Variants in KCNIP4 observed in about 807,000 individuals in gnomAD.
KCNIP4 encodes Kv channel-interacting protein 4.
A neutral mutation model predicts 34.0 loss-of-function variants in KCNIP4; 12 were observed. The ratio of observed to expected loss-of-function variants is 0.35; its 90% CI spans 0.23 to 0.57. The LOEUF is 0.57. Among genes scored for constraint, KCNIP4 ranks in the 20% least tolerant of loss-of-function variants. The pLI, the probability that KCNIP4 is intolerant of heterozygous loss-of-function variation, is 0.83. For missense variants in KCNIP4, 238 were observed against 311.7 expected, an observed-to-expected ratio of 0.76 and a Z score of 1.78; for synonymous variants, 124 against 102.2, an observed-to-expected ratio of 1.21 and a Z score of -1.29.
intron 1 of KCNIP4, among the ~76,000 whole-genome samples, chr4:21,505,272 GAAAA>G: frequency 6.9e-6 from 1 of 145,144 alleles, no homozygotes; most frequent in South Asian, 2.2e-4. Flanking sequence ...AGTACTACAG[GAAAA>G]AAAAAAAAAG....
rs368310978 is a variant in KCNIP4 at position 20,881,063 on chromosome 4, T to C, written c.163+1545A>G. On this transcript the variant is annotated intron_variant, in intron 2 of 8. Coordinates refer to ENST00000382152, the MANE Select transcript of KCNIP4 (RefSeq NM_025221.6). ...AAGAGCTTTCTTTGTTTTGTTTTGT[T>C]TTGGTTTGGTTTTTAATCTGTTTTA... Among the ~76,000 whole-genome samples the C allele has an allele frequency of 5.9e-5, 9 of 152,314 alleles. 1 individual carries two copies. In the South Asian group the frequency reaches 1.5e-3, roughly 25 times the overall value.
At chr4:21,505,258 T>C (rs192271108) in intron 1 of KCNIP4, among the ~76,000 whole-genome samples, 1 of 140,594 alleles carries the variant, frequency 7.1e-6, no homozygotes, top group East Asian at 2.2e-4. Flanking sequence ...TCACATAAAA[T>C]AGCAGTACTA....
intron 3 of KCNIP4, among the ~76,000 whole-genome samples, chr4:20,847,872 T>C (rs1056476892): frequency 9.9e-5 from 15 of 152,180 alleles, no homozygotes; most frequent in African/African-American, 2.9e-4. Context: ...TCATTAAAAA[T>C]GAATATCCCA....
chr4:21,724,828 C>G (rs1488696759), intron 1 of KCNIP4, among the ~76,000 whole-genome samples: 2 of 152,032 alleles, frequency 1.3e-5, no homozygotes, highest in Non-Finnish European at 2.9e-5. Context: ...GCAGGGCATG[C>G]TTAAGAGACC....
At chr4:21,756,552 CAAAAA>C (rs71191600) in intron 1 of KCNIP4, among the ~76,000 whole-genome samples, 5 of 124,938 alleles carry the variant, frequency 4.0e-5, no homozygotes, top group Non-Finnish European at 5.3e-5. Flanking sequence ...GACTCTGTCT[CAAAAA>C]AAAAAAAAAA....
intron 1 of KCNIP4, among the ~76,000 whole-genome samples, chr4:21,864,208 G>A (rs1477195905): frequency 6.6e-6 from 1 of 152,162 alleles, no homozygotes; most frequent in Non-Finnish European, 1.5e-5. Context: ...CATTTTTGCT[G>A]CGTCTTAGTT....
chr4:20,747,560 C>G (rs968129417), intron 5 of KCNIP4, among the ~76,000 whole-genome samples: 3 of 152,166 alleles, frequency 2.0e-5, no homozygotes, highest in Non-Finnish European at 2.9e-5. Flanking sequence ...CATCTCCTCT[C>G]CCTCCACTAA....
chr4:21,461,637 T>C (rs995542513), intron 1 of KCNIP4, among the ~76,000 whole-genome samples: 2 of 152,020 alleles, frequency 1.3e-5, no homozygotes, highest in East Asian at 3.9e-4. Flanking sequence ...CTAGACTTTT[T>C]CCTAACATTC....
At chr4:21,569,569 G>A (rs1740204368) in intron 1 of KCNIP4, among the ~76,000 whole-genome samples, 1 of 151,970 alleles carries the variant, frequency 6.6e-6, no homozygotes, top group Non-Finnish European at 1.5e-5. Flanking sequence ...ACTATGAGAG[G>A]ATAAAAGAGA....
rs151284558 is a variant in KCNIP4, at chr4:21,308,538, A to G, written c.62-425829T>C. Among the ~76,000 whole-genome samples the G allele has an allele frequency of 1.7e-4, 26 of 152,322 alleles. No homozygotes were observed. In the East Asian group the frequency reaches 4.6e-3, roughly 27 times the overall value. On this transcript the variant is annotated intron_variant, in intron 1 of 8. Transcript: ENST00000382152. ...GGCTGATAGCTGCTTGCTGATGGTC[A>G]TAACATTTTCCCATGTGTCTCATGT...
At chr4:21,309,368 T>G (rs935015362) in intron 1 of KCNIP4, among the ~76,000 whole-genome samples, 1 of 150,690 alleles carries the variant, frequency 6.6e-6, no homozygotes, top group African/African-American at 2.5e-5. Context: ...TAAGCCAGTA[T>G]GAGTAATAAA....
At chr4:21,468,806 G>A (rs904907542) in intron 1 of KCNIP4, among the ~76,000 whole-genome samples, 6 of 152,092 alleles carry the variant, frequency 3.9e-5, no homozygotes, top group Non-Finnish European at 5.9e-5. Context: ...ACCCTGTTTC[G>A]CTTTTTTGCT....
At chr4:20,735,113 A>T (rs1259057568) in intron 5 of KCNIP4, among the ~76,000 whole-genome samples, 1 of 152,190 alleles carries the variant, frequency 6.6e-6, no homozygotes, top group Non-Finnish European at 1.5e-5. Context: ...CACTTCAATG[A>T]AAAACCGTTT....
chr4:20,763,216 T>C (rs943499853), intron 3 of KCNIP4, among the ~76,000 whole-genome samples: 1 of 152,216 alleles, frequency 6.6e-6, no homozygotes, highest in Non-Finnish European at 1.5e-5. Context: ...AGCATTTACT[T>C]TGAATGCCAT....
chr4:20,767,864 G>A (rs535108775), intron 3 of KCNIP4, among the ~76,000 whole-genome samples: 35 of 152,156 alleles, frequency 2.3e-4, no homozygotes, highest in Admixed American at 4.6e-4. Flanking sequence ...TAGTTATTTG[G>A]GGATCCTTTC....
chr4:21,825,204 T>C (rs1233313662), intron 1 of KCNIP4, among the ~76,000 whole-genome samples: 1 of 151,856 alleles, frequency 6.6e-6, no homozygotes, highest in Admixed American at 6.6e-5. Flanking sequence ...CAAGTGCCAC[T>C]GAGAGATGTG....
chr4:21,504,410 G>T (rs1315441228), intron 1 of KCNIP4, among the ~76,000 whole-genome samples: 2 of 144,074 alleles, frequency 1.4e-5, no homozygotes, highest in African/African-American at 2.6e-5. Flanking sequence ...AGAGGTTGCA[G>T]TGAACGGAGA....
At chr4:21,326,143 G>T (rs1039886429) in intron 1 of KCNIP4, among the ~76,000 whole-genome samples, 4 of 151,756 alleles carry the variant, frequency 2.6e-5, no homozygotes. Context: ...ATGTTTCTTT[G>T]TTGATTTTCT....
chr4:21,100,665 T>A (rs1350255409), intron 1 of KCNIP4, among the ~76,000 whole-genome samples: 1 of 152,164 alleles, frequency 6.6e-6, no homozygotes, highest in Non-Finnish European at 1.5e-5. Flanking sequence ...AGCAAAAAGA[T>A]TATGACTTGC....
Sources: gnomAD v4.1 joint callset for allele counts (sites outside exome capture counted in the v4.1 genomes callset) on GRCh38, gnomAD v4.1.1 for gene constraint, MANE v1.5 for transcripts, NCBI Gene and HGNC (gene_info 2026-07-23, HGNC 2026-07-21) for gene names.